The following RERE variants were observed in gnomAD, a reference collection of about 807,000 sequenced individuals.
The protein encoded by RERE is arginine-glutamic acid dipeptide repeats protein.
In RERE, 40 loss-of-function variants were observed where a neutral mutation model predicts 146.1. That is an observed-to-expected ratio of 0.27 (90% CI 0.21 to 0.36). RERE has a LOEUF of 0.36. RERE is among the 10% of genes least tolerant of loss of function. The pLI, the probability that RERE is intolerant of heterozygous loss-of-function variation, is 1.00. For missense variants in RERE, 1,933 were observed against 2,138.7 expected, an observed-to-expected ratio of 0.90 and a Z score of 1.90; for synonymous variants, 1,003 against 866.0, an observed-to-expected ratio of 1.16 and a Z score of -2.78.
intron 2 of RERE, among the ~76,000 whole-genome samples, chr1:8,639,611 G>C (rs1647149384): frequency 6.6e-6 from 1 of 152,174 alleles, no homozygotes; most frequent in Non-Finnish European, 1.5e-5. Flanking sequence ...AGTGCTAACA[G>C]AGTAATTACC....
chr1:8,673,887 T>C (rs1440503008), intron 1 of RERE, among the ~76,000 whole-genome samples: 1 of 152,000 alleles, frequency 6.6e-6, no homozygotes, highest in Non-Finnish European at 1.5e-5. Flanking sequence ...ACAAATTAGC[T>C]GGGCACCTGG....
Position 8,360,334 on chromosome 1 carries a change from G to A in RERE, c.3173C>T (p.Pro1058Leu). The A allele has an allele frequency of 6.6e-7, 1 of 1,518,064 alleles. No individual in the cohort carries two copies. The allele number at this position is 1,518,064 out of a possible 1,614,324, so 94.0% of individuals were successfully genotyped here. Residue 1058 changes from proline (P) to leucine (L), a missense_variant, in exon 18 of 23, where the codon CCA (proline) becomes CTA (leucine). Transcript: ENST00000400908. ...GGCCGAGGTGCCAGGTCCCGCCGGT[G>A]GGGTAGAGGTGGAGGGGCAGGTCGG... Reference protein sequence around the residue: ...TPPTCPSTSTPPAGPGTSAQP... With the variant: ...TPPTCPSTSTLPAGPGTSAQP...
chr1:8,454,530 GGT>G (rs1644427599), intron 11 of RERE, among the ~76,000 whole-genome samples: 1 of 152,040 alleles, frequency 6.6e-6, no homozygotes, highest in East Asian at 1.9e-4. Context: ...AGACTTGCTG[GGT>G]GTGGTGGCTC....
chr1:8,507,493 C>T (rs1205993023), intron 8 of RERE, among the ~76,000 whole-genome samples: 1 of 152,114 alleles, frequency 6.6e-6, no homozygotes, highest in African/African-American at 2.4e-5. Context: ...CTGCAACCTC[C>T]GCCCCCTGGG....
chr1:8,477,514 T>A (rs1644771729), intron 10 of RERE, among the ~76,000 whole-genome samples: 2 of 152,116 alleles, frequency 1.3e-5, no homozygotes, highest in East Asian at 1.9e-4. Context: ...CAGAAAAAAA[T>A]TTGTGACATG....
chr1:8,671,477 A>G (rs1638716360), intron 1 of RERE, among the ~76,000 whole-genome samples: 1 of 152,230 alleles, frequency 6.6e-6, no homozygotes, highest in Non-Finnish European at 1.5e-5. Context: ...TAGAAGACAC[A>G]TAGGATGGAA....
intron 1 of RERE, among the ~76,000 whole-genome samples, chr1:8,718,444 A>T (rs1298826507): frequency 6.6e-6 from 1 of 152,260 alleles, no homozygotes; most frequent in Non-Finnish European, 1.5e-5. Flanking sequence ...AATGCCTTCT[A>T]TTTCATGAGA....
At chr1:8,786,218 C>G (rs556722556) in intron 1 of RERE, 12 of 895,424 alleles carry the variant, frequency 1.3e-5, no homozygotes, top group East Asian at 2.8e-5. Flanking sequence ...TTCTAAGAAG[C>G]CTGTGGATCT....
At chr1:8,538,578 G>A (rs987539100) in intron 7 of RERE, among the ~76,000 whole-genome samples, 3 of 152,312 alleles carry the variant, frequency 2.0e-5, no homozygotes, top group Non-Finnish European at 4.4e-5. Flanking sequence ...AAGGCAGTAG[G>A]CTGCATTAGC....
chr1:8,501,158 G>A (rs567493794), intron 8 of RERE, among the ~76,000 whole-genome samples: 3 of 143,094 alleles, frequency 2.1e-5, no homozygotes, highest in Admixed American at 6.7e-5. Context: ...CCGTCCGGGA[G>A]GGGGGGTCAG....
At chr1:8,769,307 C>T (rs1467306251) in intron 1 of RERE, among the ~76,000 whole-genome samples, 2 of 152,164 alleles carry the variant, frequency 1.3e-5, no homozygotes, top group African/African-American at 4.8e-5. Context: ...AAATACTGCA[C>T]TTCCAATCCC....
At chr1:8,657,916 GGAATATT>G (rs1284915004) in intron 1 of RERE, among the ~76,000 whole-genome samples, 1 of 152,114 alleles carries the variant, frequency 6.6e-6, no homozygotes, top group African/African-American at 2.4e-5. Context: ...CCATCTTTCG[GGAATATT>G]AAGTGGTTTT....
At chr1:8,515,862 G>C (rs1645407554) in intron 7 of RERE, among the ~76,000 whole-genome samples, 1 of 151,982 alleles carries the variant, frequency 6.6e-6, no homozygotes, top group South Asian at 2.1e-4. Flanking sequence ...CCAGAATAAT[G>C]CAACATACAC....
intron 1 of RERE, among the ~76,000 whole-genome samples, chr1:8,725,972 C>T (rs1639955614): frequency 6.6e-6 from 1 of 151,824 alleles, no homozygotes; most frequent in Non-Finnish European, 1.5e-5. Context: ...AAACTCTTCC[C>T]ATTTGTTTGA....
At chr1:8,558,435 C>A (rs944931266) in intron 4 of RERE, among the ~76,000 whole-genome samples, 1 of 152,148 alleles carries the variant, frequency 6.6e-6, no homozygotes, top group Non-Finnish European at 1.5e-5. Flanking sequence ...AACCCATGTG[C>A]GGCCTTAACA....
rs1383366804 is a variant in RERE at position 8,553,345 on chromosome 1, C to T, written c.725+3130G>A. On this transcript the variant is annotated intron_variant, in intron 6 of 22. Coordinates refer to ENST00000400908, the MANE Select transcript of RERE (RefSeq NM_001042681.2). ...ACTCATGCAAAATTGCACCACTAGG[C>T]CAGCACATCCACACACACACGTAAA... Among the ~76,000 whole-genome samples the T allele has an allele frequency of 2.6e-5, 4 of 151,754 alleles. No homozygotes were observed. The East Asian group carries it at 5.8e-4, about 22-fold the overall frequency.
intron 10 of RERE, among the ~76,000 whole-genome samples, chr1:8,469,815 T>C (rs527337895): frequency 7.2e-5 from 11 of 152,196 alleles, no homozygotes; most frequent in South Asian, 2.1e-4. Flanking sequence ...CTGGAAGAGA[T>C]GCTTCCACTG....
chr1:8,490,343 CAA>C (rs530925995), intron 10 of RERE, among the ~76,000 whole-genome samples: 10 of 75,354 alleles, frequency 1.3e-4, no homozygotes, highest in Non-Finnish European at 1.1e-4. Flanking sequence ...GGCAACATCT[CAA>C]AAAAAAAAAA....
chr1:8,591,835 G>GT (rs1226307650), intron 4 of RERE, among the ~76,000 whole-genome samples: 4 of 152,118 alleles, frequency 2.6e-5, no homozygotes, highest in African/African-American at 9.7e-5. Context: ...CACATCTAAC[G>GT]TATGTCCTGC....
Sources: gnomAD v4.1 joint callset for allele counts (sites outside exome capture counted in the v4.1 genomes callset) on GRCh38, gnomAD v4.1.1 for gene constraint, MANE v1.5 for transcripts, NCBI Gene and HGNC (gene_info 2026-07-23, HGNC 2026-07-21) for gene names.